The following SETD2 variants were observed in gnomAD, a reference collection of about 807,000 sequenced individuals.
The protein encoded by SETD2 is SET domain containing 2, histone lysine methyltransferase, also known as histone-lysine N-methyltransferase SETD2.
Under a neutral mutation model 242.1 loss-of-function variants are expected in SETD2, and 31 were observed. That is an observed-to-expected ratio of 0.13 (90% CI 0.10 to 0.17). The LOEUF (loss-of-function observed/expected upper bound fraction) is 0.17, where lower values mean the gene tolerates loss of function less well. Ranked by LOEUF, SETD2 falls within the 10% of genes least tolerant of loss-of-function variation. SETD2 has a pLI of 1.00. For synonymous variants in SETD2, 1,006 were observed against 1,066.5 expected (o/e 0.94, Z 1.11); for missense variants, 2,481 against 3,046.3 (o/e 0.81, Z 4.37).
chr3:47,134,164 C>T (rs2043541925), intron 1 of SETD2, among the ~76,000 whole-genome samples: 2 of 152,176 alleles, frequency 1.3e-5, no homozygotes, highest in African/African-American at 2.4e-5. Flanking sequence ...CCCCATCCTA[C>T]ACTATACCTC....
At chr3:47,127,204 A>G (rs1416020678) in intron 1 of SETD2, among the ~76,000 whole-genome samples, 1 of 151,910 alleles carries the variant, frequency 6.6e-6, no homozygotes, top group Non-Finnish European at 1.5e-5. Context: ...AAAAAATACA[A>G]AAAAATAGCC....
intron 5 of SETD2, among the ~76,000 whole-genome samples, chr3:47,111,018 C>A (rs1575792627): frequency 7.0e-6 from 1 of 143,480 alleles, no homozygotes; most frequent in Non-Finnish European, 1.5e-5. Flanking sequence ...AGACCAGCAT[C>A]CAGACAGCTC....
intron 15 of SETD2, among the ~76,000 whole-genome samples, chr3:47,050,369 T>C (rs1170086051): frequency 6.6e-6 from 1 of 152,110 alleles, no homozygotes; most frequent in Non-Finnish European, 1.5e-5. Flanking sequence ...GCCAGAAGAA[T>C]TTTTCACCTC....
At chr3:47,124,818 T>C (rs1202434427) in intron 2 of SETD2, among the ~76,000 whole-genome samples, 1 of 152,222 alleles carries the variant, frequency 6.6e-6, no homozygotes. Flanking sequence ...TAAATAACTT[T>C]TTTCAGTTTT....
At chr3:47,036,905 TA>T (rs60186354) in intron 18 of SETD2, among the ~76,000 whole-genome samples, 19 of 117,854 alleles carry the variant, frequency 1.6e-4, no homozygotes, top group Non-Finnish European at 1.5e-4. Context: ...CCGTCTCATT[TA>T]AAAAAAAAAG....
intron 14 of SETD2, among the ~76,000 whole-genome samples, 166 bp downstream of exon 14, chr3:47,061,997 G>C (rs564290012): frequency 1.8e-4 from 27 of 152,318 alleles, no homozygotes; most frequent in Middle Eastern, 3.4e-3. Flanking sequence ...ACTGTCAACA[G>C]AGAATCTGTC....
At chr3:47,151,515 C>G (rs1459463879) in intron 1 of SETD2, among the ~76,000 whole-genome samples, 1 of 152,076 alleles carries the variant, frequency 6.6e-6, no homozygotes, top group East Asian at 1.9e-4. Context: ...AGTTTCATAT[C>G]CTGACACCAT....
At position 47,106,133 on chromosome 3, in the gene SETD2, A is replaced by C. The variant is rs2042410164; in HGVS notation, c.4716-13T>G. The C allele has an allele frequency of 6.2e-7, 1 of 1,608,786 alleles. No homozygotes were observed. Among genetic ancestry groups the C allele is most frequent in the Non-Finnish European group, 8.5e-7 (1 of 1,176,734 alleles). ...GACAAAGGTGTTCCTGCAAACCAAA[A>C]GGAAAAAAATAGCACTTCCTACCTA... On this transcript the variant is annotated splice_polypyrimidine_tract_variant and intron_variant, in intron 5 of 20. Coordinates refer to ENST00000409792, the MANE Select transcript of SETD2 (RefSeq NM_014159.7).
rs755057984 is a variant in SETD2, at chr3:47,062,220, C to T, written c.6236G>A (p.Ser2079Asn). The T allele has an allele frequency of 4.3e-6, 7 of 1,614,086 alleles. No individual in the cohort carries two copies. The Admixed American group carries it at 1.2e-4, about 27-fold the overall frequency. Residue 2079 changes from serine to asparagine, a missense_variant, in exon 14 of 21, where the codon AGC (serine) becomes AAC (asparagine). Ser to Asn is a conservative substitution (Grantham distance 46). Coordinates refer to ENST00000409792, the MANE Select transcript of SETD2 (RefSeq NM_014159.7). ...GGCAGAAGAGGGTGGTGAGAGGGAG[C>T]TTCTTCGTTTCCTTTTCTCTTTATT... ...TQNKEKRKRR[S>N]SLSPPSSAYE...
intron 4 of SETD2, 108 bp from the exon 5 acceptor site, chr3:47,114,112 T>TTATACCATAA: frequency 8.8e-7 from 1 of 1,139,184 alleles, no homozygotes; most frequent in Non-Finnish European, 1.2e-6. Flanking sequence ...TTTTATGGTA[T>TTATACCATAA]AATTAGCATA....
At chr3:47,064,551 A>G (rs749656225) in intron 13 of SETD2, 2 of 284,622 alleles carry the variant, frequency 7.0e-6, no homozygotes, top group South Asian at 3.3e-5. Flanking sequence ...AAAAGGAATC[A>G]TACCAACAGT....
rs770464772 is a variant in SETD2, at chr3:47,086,330, G to C, written c.5278-16C>G. On this transcript the variant is annotated splice_polypyrimidine_tract_variant and intron_variant, in intron 10 of 20. Transcript: ENST00000409792. The stretch of plus-strand genomic sequence containing the variant: ...AGTGTGTGTTCTTTCATGGGGGAAG[G>C]GAGACACGATGCAGAGCATTGGGAG... 9 of 1,609,642 alleles carry C rather than the reference G, an allele frequency of 5.6e-6. No homozygotes were observed. Among genetic ancestry groups the C allele is most frequent in the Non-Finnish European group, 7.6e-6 (9 of 1,177,182 alleles).
intron 1 of SETD2, among the ~76,000 whole-genome samples, chr3:47,139,563 C>T (rs1298808107): frequency 6.6e-6 from 1 of 152,136 alleles, no homozygotes; most frequent in African/African-American, 2.4e-5. Flanking sequence ...ATCAAAGAAA[C>T]TCCTTAACAA....
chr3:47,157,994 G>A (rs1292733482), intron 1 of SETD2, among the ~76,000 whole-genome samples: 1 of 151,920 alleles, frequency 6.6e-6, no homozygotes, highest in African/African-American at 2.4e-5. Context: ...GAGTAATTAA[G>A]AAACTTGCCT....
intron 14 of SETD2, among the ~76,000 whole-genome samples, chr3:47,060,294 C>T (rs2040277674): frequency 6.6e-6 from 1 of 152,144 alleles, no homozygotes; most frequent in South Asian, 2.1e-4. Context: ...GATAAGCATA[C>T]TCAAAATTGT....
At chr3:47,080,746 CT>C in intron 12 of SETD2, 2 of 970,618 alleles carry the variant, frequency 2.1e-6, no homozygotes, top group Non-Finnish European at 2.5e-6. Context: ...ATGTGTAAGC[CT>C]TGTGGAGTCA....
chr3:47,109,171 G>A lies in SETD2; in HGVS notation c.4716-3051C>T, dbSNP rs75434500. On this transcript the variant is annotated intron_variant, in intron 5 of 20. Coordinates refer to ENST00000409792, the MANE Select transcript of SETD2 (RefSeq NM_014159.7). ...GGAAGGTTTAGGGGTTAAGGGTAACGTCTGCAACTCCCTTTAAGCTTCATC... is the reference window on the plus strand; with the variant it reads ...GGAAGGTTTAGGGGTTAAGGGTAACATCTGCAACTCCCTTTAAGCTTCATC... 7.1e-3 allele frequency among the ~76,000 whole-genome samples: 1,079 copies of A among 152,182 alleles called. 13 individuals are homozygous for A. Among genetic ancestry groups the A allele is most frequent in the African/African-American group, 0.025 (1,043 of 41,522 alleles).
chr3:47,033,838 T>G (rs760146574), intron 18 of SETD2, among the ~76,000 whole-genome samples: 10 of 152,030 alleles, frequency 6.6e-5, no homozygotes, highest in Non-Finnish European at 1.5e-5. Flanking sequence ...GCCCAGCTAA[T>G]TTTTCTATTT....
At chr3:47,119,682 ACTG>A in intron 3 of SETD2, 1 of 389,630 alleles carries the variant, frequency 2.6e-6, no homozygotes, top group Admixed American at 2.9e-5. Flanking sequence ...GCCATGTGGA[ACTG>A]CAAGTCCAAT....
Sources: allele counts gnomAD v4.1 joint callset (sites outside exome capture counted in the v4.1 genomes callset), GRCh38; gene constraint gnomAD v4.1.1; transcripts MANE v1.5; gene names NCBI Gene and HGNC (gene_info 2026-07-23, HGNC 2026-07-21).